RHOU: variants seen among roughly 807,000 people sequenced by gnomAD.
The protein encoded by RHOU is rho-related GTP-binding protein RhoU.
A neutral mutation model predicts 12.6 loss-of-function variants in RHOU; 8 were observed. The ratio of observed to expected loss-of-function variants is 0.64; its 90% CI spans 0.37 to 1.15. RHOU has a LOEUF of 1.15. Ranked by LOEUF, RHOU falls within the 50% of genes most tolerant of loss-of-function variation. RHOU has a pLI of 0.01. For synonymous variants in RHOU, 161 were observed against 147.4 expected (o/e 1.09, Z -0.67); for missense variants, 258 against 347.0 (o/e 0.74, Z 2.04).
the RHOU span, among the ~76,000 whole-genome samples, chr1:228,696,093 A>G: frequency 6.6e-6 from 1 of 152,252 alleles, no homozygotes; most frequent in Non-Finnish European, 1.5e-5. Flanking sequence ...TTTGAAATTT[A>G]GGAAAATAGA....
At chr1:228,672,006 G>T in the RHOU span, among the ~76,000 whole-genome samples, 1 of 152,216 alleles carries the variant, frequency 6.6e-6, no homozygotes, top group Non-Finnish European at 1.5e-5. Flanking sequence ...CCATGTTTAT[G>T]TAAGTGTGCA....
At chr1:228,690,698 A>T in the RHOU span, among the ~76,000 whole-genome samples, 4 of 151,280 alleles carry the variant, frequency 2.6e-5, no homozygotes, top group Non-Finnish European at 5.9e-5. Flanking sequence ...GCTCACTGAA[A>T]CCTTTGCCTT....
chr1:228,689,352 T>A, the RHOU span, among the ~76,000 whole-genome samples: 1 of 151,868 alleles, frequency 6.6e-6, no homozygotes, highest in African/African-American at 2.4e-5. Flanking sequence ...GCCCAGCAAA[T>A]GTGTAATAAA....
the RHOU span, among the ~76,000 whole-genome samples, chr1:228,684,469 C>T: frequency 6.6e-6 from 1 of 152,196 alleles, no homozygotes; most frequent in East Asian, 1.9e-4. Flanking sequence ...GCTGGGACTA[C>T]AGGCGTGCAC....
Position 228,738,696 on chromosome 1 carries a change from G to C in RHOU, c.321+965G>C, listed in dbSNP as rs545603332. ...GACAGCAGATTCAGAGCTAAGGACA[G>C]ATCTTATTTTTTAAACCTGAAGATG... On this transcript the variant is annotated intron_variant, in intron 2 of 2. Coordinates refer to ENST00000366691, the MANE Select transcript of RHOU (RefSeq NM_021205.6). This position sits in a 1 kb window ranked among gnomAD's most constrained non-coding sequence, Gnocchi z 4.2. Among the ~76,000 whole-genome samples, 8 of 152,286 alleles carry C rather than the reference G, an allele frequency of 5.3e-5. No homozygotes were observed. In the Middle Eastern group the frequency reaches 0.01, roughly 194 times the overall value.
chr1:228,702,386 AGAT>A, the RHOU span, among the ~76,000 whole-genome samples: 1 of 152,152 alleles, frequency 6.6e-6, no homozygotes, highest in African/African-American at 2.4e-5. Context: ...ACAGCTATGA[AGAT>A]GATGACTGGA....
chr1:228,662,536 A>G, the RHOU span, among the ~76,000 whole-genome samples: 1 of 152,304 alleles, frequency 6.6e-6, no homozygotes, highest in Non-Finnish European at 1.5e-5. Flanking sequence ...TTGCAGGGAC[A>G]TGGATGAAGC....
At chr1:228,693,434 G>A in the RHOU span, among the ~76,000 whole-genome samples, 1 of 152,242 alleles carries the variant, frequency 6.6e-6, no homozygotes, top group Non-Finnish European at 1.5e-5. Flanking sequence ...TTGACACCCA[G>A]CTGAAATATA....
At chr1:228,675,174 T>C in the RHOU span, among the ~76,000 whole-genome samples, 1 of 152,234 alleles carries the variant, frequency 6.6e-6, no homozygotes, top group Admixed American at 6.5e-5. Context: ...AGCAGCACTG[T>C]TTCTTGAAAA....
the RHOU span, among the ~76,000 whole-genome samples, chr1:228,646,923 G>T: frequency 5.9e-5 from 9 of 152,078 alleles, no homozygotes; most frequent in Non-Finnish European, 1.0e-4. Flanking sequence ...GACCGGAGAG[G>T]TGGAGAGGTA....
At chr1:228,658,910 T>C in the RHOU span, among the ~76,000 whole-genome samples, 1 of 152,196 alleles carries the variant, frequency 6.6e-6, no homozygotes, top group Non-Finnish European at 1.5e-5. Flanking sequence ...ACTGTATTTA[T>C]TGAAAACAAT....
chr1:228,710,596 G>C, the RHOU span, among the ~76,000 whole-genome samples: 1 of 152,038 alleles, frequency 6.6e-6, no homozygotes, highest in Non-Finnish European at 1.5e-5. Flanking sequence ...AAAGGCCTTT[G>C]ACAAAATTCA....
At chr1:228,680,293 T>C in the RHOU span, among the ~76,000 whole-genome samples, 3 of 151,842 alleles carry the variant, frequency 2.0e-5, no homozygotes, top group Non-Finnish European at 4.4e-5. Context: ...GCAATGTGAG[T>C]CGGACAGTCT....
chr1:228,646,773 C>T, the RHOU span, among the ~76,000 whole-genome samples: 6 of 152,042 alleles, frequency 3.9e-5, no homozygotes, highest in Non-Finnish European at 8.8e-5. Context: ...CGTTCCGGAA[C>T]CCGCACGCGA....
At chr1:228,649,640 G>C in the RHOU span, among the ~76,000 whole-genome samples, 5 of 152,012 alleles carry the variant, frequency 3.3e-5, no homozygotes, top group Non-Finnish European at 5.9e-5. Context: ...TTAACCTTTT[G>C]ATATTTTGGC....
At chr1:228,688,395 C>A in the RHOU span, among the ~76,000 whole-genome samples, 3 of 152,180 alleles carry the variant, frequency 2.0e-5, no homozygotes, top group Non-Finnish European at 4.4e-5. Flanking sequence ...TGTGAGTTGG[C>A]AGCCTATGGA....
At chr1:228,726,538 G>A in the RHOU span, among the ~76,000 whole-genome samples, 6 of 151,992 alleles carry the variant, frequency 3.9e-5, no homozygotes, top group African/African-American at 1.2e-4. Context: ...GGTGGCACGC[G>A]CCTGTAATCG....
upstream of RHOU, among the ~76,000 whole-genome samples, chr1:228,733,317 TGTTTC>T (rs1314007380): frequency 6.6e-6 from 1 of 152,208 alleles, no homozygotes; most frequent in Non-Finnish European, 1.5e-5. Flanking sequence ...TTCTTCTGTT[TGTTTC>T]TTTTTGAGAC....
chr1:228,724,570 GC>G, the RHOU span, among the ~76,000 whole-genome samples: 1 of 152,098 alleles, frequency 6.6e-6, no homozygotes. Flanking sequence ...TCCCACCTCA[GC>G]CTCCCAAAGT....
Sources: gnomAD v4.1 joint callset for allele counts (sites outside exome capture counted in the v4.1 genomes callset) on GRCh38, gnomAD v4.1.1 for gene constraint, Gnocchi (gnomAD v3.1) non-coding constraint, MANE v1.5 for transcripts, NCBI Gene and HGNC (gene_info 2026-07-23, HGNC 2026-07-21) for gene names.